The following RFC1 variants were observed in gnomAD, a reference collection of about 807,000 sequenced individuals.
RFC1 encodes the protein replication factor C subunit 1.
Under a neutral mutation model 137.4 loss-of-function variants are expected in RFC1, and 37 were observed. The observed-to-expected ratio is 0.27, with a 90% CI of 0.21 to 0.35. The LOEUF is 0.35. Among genes scored for constraint, RFC1 ranks in the 10% least tolerant of loss-of-function variants. The pLI, the probability that RFC1 is intolerant of heterozygous loss-of-function variation, is 1.00. For synonymous variants in RFC1, 429 were observed against 455.7 expected, an observed-to-expected ratio of 0.94 and a Z score of 0.75; for missense variants, 1,205 against 1,358.5, an observed-to-expected ratio of 0.89 and a Z score of 1.78.
At position 39,293,718 on chromosome 4, in the gene RFC1, T is replaced by A. The variant is rs140521344; in HGVS notation, c.2955-1866A>T. Reference sequence around the variant, plus strand: ...TTGGTCTAATGAGGGAAGAGGACAGTGAAGAATAGCCATAAAACAACCCGG... The same window carrying A: ...TTGGTCTAATGAGGGAAGAGGACAGAGAAGAATAGCCATAAAACAACCCGG... On this transcript the variant is annotated intron_variant, in intron 22 of 24. Coordinates refer to ENST00000349703, the MANE Select transcript of RFC1 (RefSeq NM_002913.5). Among the ~76,000 whole-genome samples, 520 of 152,062 alleles carry A rather than the reference T, an allele frequency of 3.4e-3. 2 individuals carry two copies. The highest frequency in any genetic ancestry group is 5.7e-3 in the Non-Finnish European group (390 of 67,974).
intron 21 of RFC1, among the ~76,000 whole-genome samples, chr4:39,297,389 C>G (rs1738073421): frequency 8.3e-6 from 1 of 121,074 alleles, no homozygotes; most frequent in East Asian, 2.2e-4. Context: ...GGTTTTAGGT[C>G]TAACGTTTAA....
intron 1 of RFC1, among the ~76,000 whole-genome samples, chr4:39,357,666 G>A (rs1392895864): frequency 1.3e-5 from 2 of 151,536 alleles, no homozygotes; most frequent in East Asian, 2.0e-4. Context: ...GCCCAGGCTG[G>A]AGTGCAGTGG....
rs1182085253 is a variant in RFC1, at chr4:39,351,434, G to C, written c.46C>G (p.Leu16Val). 2 of 1,577,634 alleles carry C rather than the reference G, an allele frequency of 1.3e-6. No individual in the cohort carries two copies. Among genetic ancestry groups the C allele is most frequent in the Non-Finnish European group, 1.7e-6 (2 of 1,165,002 alleles). Residue 16 changes from leucine to valine, a missense_variant, in exon 2 of 25, where the codon CTT becomes GTT. This residue lies in a region of RFC1 where 962 missense variants were observed against 1,035.3 expected (regional missense o/e 0.93). Transcript: ENST00000349703. The part of the protein sequence containing the change: ...FFGVIPSGKK[L>V]VSETVKKNEK... The stretch of plus-strand genomic sequence containing the variant: ...TTCTTCTTTACTGTTTCACTTACAA[G>C]TTTCTTTCCACTTGGTATTACTCCA...
chr4:39,350,717 T>G (rs886148418), intron 2 of RFC1, among the ~76,000 whole-genome samples: 2 of 152,178 alleles, frequency 1.3e-5, no homozygotes, highest in Non-Finnish European at 2.9e-5. Context: ...CCAACAGACC[T>G]ACACTACAAA....
intron 13 of RFC1, among the ~76,000 whole-genome samples, chr4:39,307,779 CTCTTT>C: frequency 6.6e-6 from 1 of 151,966 alleles, no homozygotes; most frequent in East Asian, 1.9e-4. Flanking sequence ...TGCCTGTCTC[CTCTTT>C]TAAGGGAGAT....
chr4:39,316,942 C>T lies in RFC1; in HGVS notation c.1176G>A (p.Lys392=). Residue 392 remains lysine (K), a synonymous_variant, in exon 10 of 25, where the codon AAG becomes AAA. Coordinates refer to ENST00000349703, the MANE Select transcript of RFC1 (RefSeq NM_002913.5). The stretch of plus-strand genomic sequence containing the variant: ...TTGGTATTTCTTTGGAGCCCAGAGC[C>T]TTGGGACCTTCTCGATTTAAGTAGC... The part of the protein sequence containing the change: ...YRSYLNREGP[K]ALGSKEIPKG... 6.2e-7 allele frequency: 1 copy of T among 1,613,916 alleles called. No homozygotes were observed. The highest frequency in any genetic ancestry group is 8.5e-7 in the Non-Finnish European group (1 of 1,179,800).
intron 24 of RFC1, 77 bp downstream of exon 24, chr4:39,289,771 G>A (rs1173821787): frequency 3.1e-6 from 3 of 980,328 alleles, no homozygotes; most frequent in African/African-American, 1.6e-5. Flanking sequence ...GCTATGTGCT[G>A]AAAAGGCCCT....
chr4:39,341,816 A>G (rs1740618049), intron 4 of RFC1, among the ~76,000 whole-genome samples: 1 of 152,240 alleles, frequency 6.6e-6, no homozygotes, highest in Non-Finnish European at 1.5e-5. Context: ...TGAGATTAGC[A>G]CATAATTATT....
chr4:39,364,046 C>T (rs1172744005), intron 1 of RFC1, among the ~76,000 whole-genome samples: 1 of 147,640 alleles, frequency 6.8e-6, no homozygotes, highest in African/African-American at 2.5e-5. Context: ...CACCACTGCA[C>T]TCCAGCCTGG....
chr4:39,326,421 G>A lies in RFC1; in HGVS notation c.642+142C>T, dbSNP rs1348017433. The A allele has an allele frequency of 3.2e-5, 19 of 594,022 alleles. 1 individual carries two copies. In the East Asian group the frequency reaches 4.6e-4, roughly 14 times the overall value. The allele number at this position is 594,022 out of a possible 1,614,324, so 36.8% of individuals were successfully genotyped here. On this transcript the variant is annotated intron_variant, in intron 6 of 24. Transcript: ENST00000349703. The stretch of plus-strand genomic sequence containing the variant: ...CTCCCCTGGTCTCATCATTTATCTT[G>A]TATAGAAATTTAGATTTTCATTTAT...
intron 4 of RFC1, among the ~76,000 whole-genome samples, chr4:39,333,618 T>C (rs1206285972): frequency 6.7e-6 from 1 of 150,312 alleles, no homozygotes; most frequent in Non-Finnish European, 1.5e-5. Flanking sequence ...AAAAACAAAA[T>C]ACATCACTCT....
At chr4:39,341,911 C>T (rs1355274133) in intron 4 of RFC1, among the ~76,000 whole-genome samples, 2 of 152,104 alleles carry the variant, frequency 1.3e-5, no homozygotes, top group African/African-American at 4.8e-5. Flanking sequence ...CTTTAAAAAA[C>T]CCAATACTTA....
At position 39,288,094 on chromosome 4, in the gene RFC1, G is replaced by A. The variant is rs529083722; in HGVS notation, c.*667C>T. ...TGCCAATGTTATGTTTCACACAACA[G>A]GTTAGTAAGGAATACAGTGAGCTTT... On this transcript the variant is annotated 3_prime_UTR_variant, in exon 25 of 25. Coordinates refer to ENST00000349703, the MANE Select transcript of RFC1 (RefSeq NM_002913.5). 4.6e-5 allele frequency: 7 copies of A among 152,334 alleles called. No individual in the cohort carries two copies. Among genetic ancestry groups the A allele is most frequent in the Admixed American group, 4.6e-4 (7 of 15,296 alleles). The allele number at this position is 152,334 out of a possible 1,614,324, so 9.4% of individuals were successfully genotyped here. A position where few individuals can be genotyped will look rare whatever the true frequency, so the allele number is the denominator to read the frequency against.
At chr4:39,332,988 GC>G (rs1011919640) in intron 4 of RFC1, among the ~76,000 whole-genome samples, 1 of 152,186 alleles carries the variant, frequency 6.6e-6, no homozygotes, top group Admixed American at 6.5e-5. Flanking sequence ...GAGGCTAAGT[GC>G]CCAGTGTAGC....
chr4:39,313,635 G>T (rs899309999), intron 10 of RFC1, among the ~76,000 whole-genome samples: 10 of 152,254 alleles, frequency 6.6e-5, no homozygotes, highest in African/African-American at 2.4e-4. Flanking sequence ...CATATCTGAA[G>T]GCTACTGAAT....
intron 10 of RFC1, among the ~76,000 whole-genome samples, chr4:39,313,843 T>C (rs1739097899): frequency 6.6e-6 from 1 of 152,172 alleles, no homozygotes; most frequent in Non-Finnish European, 1.5e-5. Flanking sequence ...CAAGATCGTA[T>C]TATCTCTGGA....
At chr4:39,295,093 G>A (rs1737912958) in intron 22 of RFC1, among the ~76,000 whole-genome samples, 1 of 152,202 alleles carries the variant, frequency 6.6e-6, no homozygotes, top group Non-Finnish European at 1.5e-5. Context: ...TGTACCAAAT[G>A]CAAGTATTTT....
intron 11 of RFC1, 77 bp downstream of exon 11, chr4:39,312,675 G>C: frequency 7.8e-7 from 1 of 1,277,074 alleles, no homozygotes; most frequent in Non-Finnish European, 1.1e-6. Context: ...TTAACTCTGA[G>C]TAAAGGGCAA....
chr4:39,297,744 C>T (rs552647136), intron 21 of RFC1: 2 of 152,296 alleles, frequency 1.3e-5, no homozygotes, highest in African/African-American at 4.8e-5. Flanking sequence ...TTATAGTTTA[C>T]ATAAATTTTG....
Sources: gnomAD v4.1 joint callset for allele counts (sites outside exome capture counted in the v4.1 genomes callset) on GRCh38, gnomAD v4.1.1 for gene constraint, gnomAD v4.1.1 regional missense constraint, MANE v1.5 for transcripts, NCBI Gene and HGNC (gene_info 2026-07-23, HGNC 2026-07-21) for gene names.